Variants in CLN3 observed in about 807,000 individuals in gnomAD.
The protein encoded by CLN3 is battenin.
Under a neutral mutation model 60.7 loss-of-function variants are expected in CLN3, and 49 were observed. The ratio of observed to expected loss-of-function variants is 0.81; its 90% CI spans 0.64 to 1.02. The LOEUF is 1.02. Among genes scored for constraint, CLN3 ranks in the 50% least tolerant of loss-of-function variants. The pLI, the probability that CLN3 is intolerant of heterozygous loss-of-function variation, is 0.00. For synonymous variants in CLN3, 256 were observed against 245.8 expected (o/e 1.04, Z -0.39); for missense variants, 516 against 557.4 (o/e 0.93, Z 0.75).
At chr16:28,482,806 T>TA (rs770637200) in intron 10 of CLN3, 134 bp from the exon 11 acceptor site, 25 of 941,804 alleles carry the variant, frequency 2.7e-5, no homozygotes, top group East Asian at 2.4e-4. Context: ...ATTGGACACT[T>TA]AAAAATGGTT....
In CLN3 at chr16:28,477,759, G is replaced by T; in HGVS notation, c.1175C>A (p.Thr392Asn). 6.2e-7 allele frequency: 1 copy of T among 1,614,180 alleles called. No homozygotes were observed. Reference protein sequence around the residue: ...GLLGGAAYVNTFHNIALETSD... With the variant: ...GLLGGAAYVNNFHNIALETSD... ...GACCTCCAGGGCGATGTTGTGGAAG[G>T]TGTTCACGTAGGCTGCGCCTCCCAG... Residue 392 changes from threonine to asparagine, a missense_variant, in exon 15 of 16, where the codon ACC (threonine) becomes AAC (asparagine). Thr to Asn is a moderately conservative substitution (Grantham distance 65, BLOSUM62 0). Transcript: ENST00000636147.
rs776594074 is a variant in CLN3 at position 28,491,765 on chromosome 16, C to T, written c.-6G>A. The stretch of plus-strand genomic sequence containing the variant: ...GAGCCTGCACAGCCTCCCATCGCAT[C>T]AAGTTCAGGTCCCCCGAGGGTCCAG... On this transcript the variant is annotated 5_prime_UTR_variant, in exon 2 of 16. Coordinates refer to ENST00000636147, the MANE Select transcript of CLN3 (RefSeq NM_001042432.2). 3 of 1,613,782 alleles carry T rather than the reference C, an allele frequency of 1.9e-6. No homozygotes were observed. The highest frequency in any genetic ancestry group is 2.2e-5 in the East Asian group (1 of 44,870).
intron 7 of CLN3, 98 bp downstream of exon 7, chr16:28,487,358 T>G (rs1256493479): frequency 6.0e-6 from 6 of 995,502 alleles, no homozygotes; most frequent in Non-Finnish European, 9.6e-6. Flanking sequence ...GGTGACAGAA[T>G]GAATCCCTTT....
the CLN3 span, among the ~76,000 whole-genome samples, chr16:28,467,303 G>C: frequency 2.5e-5 from 2 of 81,378 alleles, no homozygotes; most frequent in African/African-American, 7.9e-5. Context: ...CAGTCGCCCA[G>C]GCTGGAGTGC....
intron 14 of CLN3, among the ~76,000 whole-genome samples, chr16:28,478,617 TAAAAAAAAAA>T (rs766238150): frequency 1.6e-3 from 121 of 74,334 alleles, no homozygotes; most frequent in East Asian, 9.2e-3. Context: ...TCCTGTCTCA[TAAAAAAAAAA>T]AAAAAAAAAA....
chr16:28,474,288 C>A (rs2045974396), downstream of CLN3: 1 of 151,702 alleles, frequency 6.6e-6, no homozygotes, highest in Non-Finnish European at 1.5e-5. Context: ...AAAACAAAAA[C>A]AAAAAACAAC....
chr16:28,470,331 C>G (rs1203501059), downstream of CLN3: 18 of 1,509,100 alleles, frequency 1.2e-5, no homozygotes, highest in South Asian at 2.2e-4. Flanking sequence ...TGACACAGCC[C>G]AGTAAAAAGG....
chr16:28,468,457 A>T, the CLN3 span, among the ~76,000 whole-genome samples: 2 of 150,640 alleles, frequency 1.3e-5, no homozygotes, highest in Non-Finnish European at 3.0e-5. Flanking sequence ...TAAAAAAAAA[A>T]AATACAATGA....
At chr16:28,486,933 C>T (rs1187719357) in intron 7 of CLN3, 14 of 468,908 alleles carry the variant, frequency 3.0e-5, no homozygotes, top group Middle Eastern at 6.3e-4. Flanking sequence ...TTTTTGGAGA[C>T]GGAGTCTCGC....
chr16:28,485,265 A>T (rs1457264637), intron 9 of CLN3, among the ~76,000 whole-genome samples: 2 of 150,154 alleles, frequency 1.3e-5, no homozygotes, highest in African/African-American at 4.9e-5. Flanking sequence ...AATATGCATG[A>T]AAATACACAG....
rs771488447 is a variant in CLN3 at position 28,484,126 on chromosome 16, T to C, written c.678-8A>G. The C allele has an allele frequency of 1.3e-6, 2 of 1,597,682 alleles. No homozygotes were observed. On this transcript the variant is annotated splice_polypyrimidine_tract_variant and splice_region_variant and intron_variant, in intron 9 of 15. Transcript: ENST00000636147. ...GTGAGCAACAAGAAATAGCTAGGAG[T>C]AGGATGAAGGCAGGGTCAGAAAACC... is the stretch of plus-strand genomic sequence containing the variant.
rs755660742 is a variant in CLN3 at position 28,483,713 on chromosome 16, CTTTTTT to C, written c.790+287_790+292del. ...CTCCCTCCCTTCCTTCCTTTCTTTT[CTTTTTT>C]TTTTTTTTTTTTTTTTTTTTGCGAC... On this transcript the variant is annotated intron_variant, in intron 10 of 15. Coordinates refer to ENST00000636147, the MANE Select transcript of CLN3 (RefSeq NM_001042432.2). 1.1e-4 allele frequency among the ~76,000 whole-genome samples: 11 copies of C among 100,534 alleles called. 1 individual carries two copies. The highest frequency in any genetic ancestry group is 1.1e-3 in the East Asian group (3 of 2,856). The allele number at this position is 100,534 out of a possible 152,430, so 66.0% of individuals were successfully genotyped here.
chr16:28,491,681 G>A, intron 2 of CLN3, 33 bp downstream of exon 2: 1 of 1,614,112 alleles, frequency 6.2e-7, no homozygotes, highest in Non-Finnish European at 8.5e-7. Context: ...AGCCAGAGGT[G>A]GTCGTTCCAT....
At chr16:28,472,800 CAAAAAAAAAA>C (rs34795595), downstream of CLN3, among the ~76,000 whole-genome samples, 4 of 85,034 alleles carry the variant, frequency 4.7e-5, no homozygotes, top group South Asian at 5.0e-4. Flanking sequence ...AACTCTGTTT[CAAAAAAAAAA>C]AAAAAAAAAA....
At chr16:28,481,458 A>ACACACACACACACACG (rs2046094364) in intron 14 of CLN3, among the ~76,000 whole-genome samples, 5 of 128,938 alleles carry the variant, frequency 3.9e-5, no homozygotes, top group Admixed American at 1.5e-4. Flanking sequence ...ACACACGCAC[A>ACACACACACACACACG]CACACACACA....
Position 28,483,904 on chromosome 16 carries a change from ACACT to A in CLN3, c.790+98_790+101del, listed in dbSNP as rs1408110101. Reference sequence around the variant, plus strand: ...GACAAAGGCTTTTCCCATAACCAGTACACTCACTCTCTTTCCCCTCTTAACTTTG... The same window carrying A: ...GACAAAGGCTTTTCCCATAACCAGTACACTCTCTTTCCCCTCTTAACTTTG... On this transcript the variant is annotated intron_variant, in intron 10 of 15. Coordinates refer to ENST00000636147, the MANE Select transcript of CLN3 (RefSeq NM_001042432.2). The A allele has an allele frequency of 4.9e-6, 4 of 814,920 alleles. No individual in the cohort carries two copies. The African/African-American group carries it at 6.8e-5, about 14-fold the overall frequency. 50.5% of individuals were successfully genotyped at this position (814,920 alleles called of 1,614,324 possible). A position where few individuals can be genotyped will look rare whatever the true frequency, so the allele number is the denominator to read the frequency against.
At chr16:28,487,768 G>T in intron 5 of CLN3, 27 bp from the exon 6 acceptor site, 2 of 1,585,316 alleles carry the variant, frequency 1.3e-6, no homozygotes, top group Non-Finnish European at 8.6e-7. Context: ...GAGTGAGACC[G>T]CAGAGCTTCC....
At chr16:28,488,431 T>A (rs954984426) in intron 5 of CLN3, 160 bp downstream of exon 5, 17 of 617,978 alleles carry the variant, frequency 2.8e-5, no homozygotes, top group Non-Finnish European at 4.2e-5. Context: ...CACCTTGGTC[T>A]CCCAAAGTGC....
At chr16:28,491,602 G>T (rs1329316124) in intron 2 of CLN3, 42 bp from the exon 3 acceptor site, 1 of 1,613,584 alleles carries the variant, frequency 6.2e-7, no homozygotes, top group Non-Finnish European at 8.5e-7. Flanking sequence ...CCTACTCTCA[G>T]GTGCACGACC....
Sources: gnomAD v4.1 joint callset for allele counts (sites outside exome capture counted in the v4.1 genomes callset) on GRCh38, gnomAD v4.1.1 for gene constraint, MANE v1.5 for transcripts, NCBI Gene and HGNC (gene_info 2026-07-23, HGNC 2026-07-21) for gene names.